CNTNAP2: variants seen among roughly 807,000 people sequenced by gnomAD.
CNTNAP2 encodes contactin-associated protein-like 2.
Under a neutral mutation model 155.2 loss-of-function variants are expected in CNTNAP2, and 98 were observed. The ratio of observed to expected loss-of-function variants is 0.63; its 90% CI spans 0.54 to 0.75. The LOEUF (loss-of-function observed/expected upper bound fraction) is 0.75. CNTNAP2 is among the 30% of genes least tolerant of loss of function. The pLI is 0.00. For missense variants in CNTNAP2, 1,727 were observed against 1,688.1 expected, an observed-to-expected ratio of 1.02 and a Z score of -0.40; for synonymous variants, 651 against 631.2, an observed-to-expected ratio of 1.03 and a Z score of -0.47.
At chr7:147,238,900 C>T (rs1311647191) in intron 8 of CNTNAP2, among the ~76,000 whole-genome samples, 2 of 152,168 alleles carry the variant, frequency 1.3e-5, no homozygotes, top group Non-Finnish European at 2.9e-5. Context: ...AAGGTTTGTT[C>T]TTATTTCTGG....
At chr7:147,659,243 AATTC>A (rs1795577366) in intron 13 of CNTNAP2, among the ~76,000 whole-genome samples, 1 of 152,226 alleles carries the variant, frequency 6.6e-6, no homozygotes, top group African/African-American at 2.4e-5. Flanking sequence ...GAGATGTTGG[AATTC>A]ATTGTCAGGA....
chr7:146,245,553 T>C (rs1323818673), intron 1 of CNTNAP2, among the ~76,000 whole-genome samples: 2 of 152,060 alleles, frequency 1.3e-5, no homozygotes, highest in Non-Finnish European at 1.5e-5. Flanking sequence ...CTGGCTCTTG[T>C]GTAAGAATTC....
intron 8 of CNTNAP2, among the ~76,000 whole-genome samples, chr7:147,232,208 A>C (rs2116619697): frequency 6.6e-6 from 1 of 152,370 alleles, no homozygotes; most frequent in Middle Eastern, 3.4e-3. Flanking sequence ...TAGCCCATAT[A>C]CATGGATTGG....
rs574047302 is a variant in CNTNAP2 at position 148,311,960 on chromosome 7, G to A, written c.3475+44834G>A. On this transcript the variant is annotated intron_variant, in intron 21 of 23. Transcript: ENST00000361727. Reference sequence around the variant, plus strand: ...GTCTGGGCCAGGAACAATGGTAATTGTGGGAGATTCAACAAAGAGTGAGTA... The same window carrying A: ...GTCTGGGCCAGGAACAATGGTAATTATGGGAGATTCAACAAAGAGTGAGTA... 3.9e-5 allele frequency among the ~76,000 whole-genome samples: 6 copies of A among 152,322 alleles called. No individual in the cohort carries two copies. In the South Asian group the frequency reaches 1.0e-3, roughly 26 times the overall value.
intron 1 of CNTNAP2, among the ~76,000 whole-genome samples, chr7:146,178,120 ACCTC>A: frequency 6.6e-6 from 1 of 151,984 alleles, no homozygotes; most frequent in Admixed American, 6.5e-5. Context: ...TGCAAGCTCC[ACCTC>A]CTGGGTTCTC....
At chr7:147,670,942 T>C (rs1258923873) in intron 13 of CNTNAP2, among the ~76,000 whole-genome samples, 2 of 152,214 alleles carry the variant, frequency 1.3e-5, no homozygotes, top group African/African-American at 4.8e-5. Context: ...AAAAGAGCAC[T>C]GTAACACTCC....
intron 1 of CNTNAP2, among the ~76,000 whole-genome samples, chr7:146,216,365 C>A (rs1029609423): frequency 9.2e-5 from 14 of 152,268 alleles, no homozygotes; most frequent in African/African-American, 3.4e-4. Flanking sequence ...CAGATATATT[C>A]TAAGACTTTT....
intron 9 of CNTNAP2, among the ~76,000 whole-genome samples, chr7:147,322,490 G>A (rs1795371021): frequency 6.6e-6 from 1 of 152,052 alleles, no homozygotes; most frequent in Non-Finnish European, 1.5e-5. Context: ...TTAACCTAAG[G>A]ATATTTTTGC....
chr7:147,707,356 A>G (rs1302634759), intron 13 of CNTNAP2, among the ~76,000 whole-genome samples: 1 of 152,208 alleles, frequency 6.6e-6, no homozygotes, highest in Non-Finnish European at 1.5e-5. Flanking sequence ...GCAGTAGTGT[A>G]ATCACTGTGT....
intron 1 of CNTNAP2, among the ~76,000 whole-genome samples, chr7:146,640,428 A>G (rs1799685405): frequency 6.6e-6 from 1 of 152,202 alleles, no homozygotes; most frequent in South Asian, 2.1e-4. Flanking sequence ...TTAGGGCTAG[A>G]AGGTCATCTT....
chr7:148,151,614 G>A (rs1161395818), intron 17 of CNTNAP2, among the ~76,000 whole-genome samples: 1 of 152,178 alleles, frequency 6.6e-6, no homozygotes, highest in Non-Finnish European at 1.5e-5. Context: ...CTCATTAAAT[G>A]TGAGTTTCTT....
chr7:147,439,220 C>T (rs1284894846), intron 10 of CNTNAP2, among the ~76,000 whole-genome samples: 3 of 151,828 alleles, frequency 2.0e-5, no homozygotes, highest in African/African-American at 7.2e-5. Context: ...GATGTAGGCA[C>T]TTATAGCTAT....
At chr7:147,684,877 T>G (rs1382301503) in intron 13 of CNTNAP2, among the ~76,000 whole-genome samples, 1 of 151,558 alleles carries the variant, frequency 6.6e-6, no homozygotes, top group Non-Finnish European at 1.5e-5. Flanking sequence ...ATCTTATGAT[T>G]TATCACAAAG....
chr7:147,009,491 C>A (rs1048327178), intron 3 of CNTNAP2, among the ~76,000 whole-genome samples: 3 of 152,154 alleles, frequency 2.0e-5, no homozygotes, highest in African/African-American at 7.2e-5. Context: ...GTTTATTTCA[C>A]TTGGAGTTGT....
intron 3 of CNTNAP2, chr7:146,963,200 T>A (rs749458455): frequency 6.6e-6 from 1 of 152,208 alleles, no homozygotes; most frequent in African/African-American, 2.4e-5. Context: ...ATAAAAATGA[T>A]CGACAAAAGT....
intron 12 of CNTNAP2, among the ~76,000 whole-genome samples, chr7:147,624,416 A>G (rs1206486080): frequency 6.6e-6 from 1 of 152,148 alleles, no homozygotes; most frequent in Non-Finnish European, 1.5e-5. Context: ...TCTATAGGAA[A>G]ATTTTAATAA....
intron 1 of CNTNAP2, among the ~76,000 whole-genome samples, chr7:146,702,587 A>G (rs570470558): frequency 6.6e-5 from 10 of 152,196 alleles, no homozygotes; most frequent in African/African-American, 2.4e-4. Context: ...GTAAGATATA[A>G]CCTGATTTTT....
chr7:147,094,956 G>T (rs111738344), intron 4 of CNTNAP2, among the ~76,000 whole-genome samples: 294 of 152,194 alleles, frequency 1.9e-3, no homozygotes, highest in African/African-American at 6.4e-3. Flanking sequence ...CCACTTTCTG[G>T]TTCTTAGATG....
intron 1 of CNTNAP2, among the ~76,000 whole-genome samples, chr7:146,368,025 T>C (rs6464757): frequency 0.36 from 54,096 of 151,850 alleles, 10,042 homozygotes; most frequent in Admixed American, 0.46. Flanking sequence ...TTCCACTTCA[T>C]CCCTGAATTC....
Sources: allele counts gnomAD v4.1 joint callset (sites outside exome capture counted in the v4.1 genomes callset), GRCh38; gene constraint gnomAD v4.1.1; transcripts MANE v1.5; gene names NCBI Gene and HGNC (gene_info 2026-07-23, HGNC 2026-07-21).